PSD2: variants seen among roughly 807,000 people sequenced by gnomAD.
PSD2 encodes pleckstrin and Sec7 domain containing 2.
In PSD2, 38 loss-of-function variants were observed where a neutral mutation model predicts 69.8. The observed-to-expected ratio is 0.54, with a 90% CI of 0.42 to 0.71. PSD2 has a LOEUF of 0.71. Ranked by LOEUF, PSD2 falls within the 30% of genes least tolerant of loss-of-function variation. PSD2 has a pLI of 0.00. For missense variants in PSD2, 943 were observed against 1,014.5 expected (o/e 0.93, Z 0.96); for synonymous variants, 412 against 423.0 (o/e 0.97, Z 0.32).
intron 1 of PSD2, among the ~76,000 whole-genome samples, chr5:139,803,617 T>C (rs947520301): frequency 1.3e-5 from 2 of 152,230 alleles, no homozygotes; most frequent in African/African-American, 4.8e-5. Flanking sequence ...CAGGTCTTTC[T>C]GAGCACACAG....
chr5:139,768,858 C>T, the PSD2 span, among the ~76,000 whole-genome samples: 1 of 152,190 alleles, frequency 6.6e-6, no homozygotes, highest in Admixed American at 6.5e-5. Flanking sequence ...CCACCCTGGA[C>T]TAACTGTCTG....
At position 139,822,000 on chromosome 5, in the gene PSD2, C is replaced by T. The variant is rs1311237986; in HGVS notation, c.1205C>T (p.Ser402Leu). 8 of 1,600,006 alleles carry T rather than the reference C, an allele frequency of 5.0e-6. No individual in the cohort carries two copies. The highest frequency in any genetic ancestry group is 1.3e-5 in the African/African-American group (1 of 74,624). Residue 402 changes from serine (S) to leucine (L), a missense_variant, in exon 6 of 15, where the codon TCG becomes TTG. Physicochemically the swap from Ser to Leu is moderately radical, Grantham distance 145. This residue lies in a region of PSD2 where 312 missense variants were observed against 400.7 expected (regional missense o/e 0.78). Coordinates refer to ENST00000274710, the MANE Select transcript of PSD2 (RefSeq NM_032289.4). ...CAGTGCAACCCTGATGACAGCACTT[C>T]GGAAGGTATGGCCCCTTGCCCACTC... ...YCQCNPDDST[S>L]EDGIHTLTCA... is the part of the protein sequence containing the mutation.
At chr5:139,746,284 C>G in the PSD2 span, 1 of 152,256 alleles carries the variant, frequency 6.6e-6, no homozygotes, top group African/African-American at 2.4e-5. This position sits in a 1 kb window ranked among gnomAD's most constrained non-coding sequence, Gnocchi z 4.5. Context: ...TAAAGAGGCA[C>G]CGTGAGAGCC....
intron 7 of PSD2, among the ~76,000 whole-genome samples, chr5:139,829,490 C>G (rs1033370382): frequency 4.6e-5 from 7 of 152,154 alleles, no homozygotes; most frequent in African/African-American, 1.7e-4. Flanking sequence ...GCAGTCATAC[C>G]CCATTTCCTC....
the PSD2 span, among the ~76,000 whole-genome samples, chr5:139,784,249 C>G: frequency 8.1e-3 from 1,228 of 152,038 alleles, 10 homozygotes; most frequent in Admixed American, 0.019. Flanking sequence ...TCCCCCAGCT[C>G]TTAATGTGGG....
chr5:139,814,915 C>T lies in PSD2; in HGVS notation c.1016+551C>T, dbSNP rs1416821012. On this transcript the variant is annotated intron_variant, in intron 4 of 14. Transcript: ENST00000274710. The surrounding 1 kb of genome is among the most constrained non-coding windows in gnomAD (Gnocchi z 4.4). ...CAGGGGACAGGCGGGATTGCAGGAC[C>T]GAGGAAGTCTGCCGGCACATTCTGC... is the stretch of plus-strand genomic sequence containing the variant. Among the ~76,000 whole-genome samples the T allele has an allele frequency of 2.6e-5, 4 of 152,288 alleles. No individual in the cohort carries two copies. Among genetic ancestry groups the T allele is most frequent in the Non-Finnish European group, 4.4e-5 (3 of 68,018 alleles).
chr5:139,787,818 C>T, the PSD2 span, among the ~76,000 whole-genome samples: 1 of 152,250 alleles, frequency 6.6e-6, no homozygotes, highest in Non-Finnish European at 1.5e-5. Flanking sequence ...TCTGGGTCAC[C>T]ATGGGATAGT....
At position 139,842,359 on chromosome 5, in the gene PSD2, C is replaced by T. The variant is rs142731888; in HGVS notation, c.2201C>T (p.Ala734Val). The change falls in exon 15 of 15, where the codon GCC (alanine) becomes GTC (valine). Residue 734 changes from alanine (A) to valine (V), a missense_variant. By Grantham distance (64) the Ala-to-Val change is moderately conservative. This residue lies in a region of PSD2 where 165 missense variants were observed against 168.8 expected (regional missense o/e 0.98). Transcript: ENST00000274710. ...CTGGAGCGGATTGAGGCCCGGCTGG[C>T]CACTCTGGAAGGGGATGACCCTTCT... is the stretch of plus-strand genomic sequence containing the variant. ...DDLERIEARL[A>V]TLEGDDPSLR... 33 of 1,614,092 alleles carry T rather than the reference C, an allele frequency of 2.0e-5. No homozygotes were observed. The African/African-American group carries it at 2.9e-4, about 14-fold the overall frequency.
the PSD2 span, among the ~76,000 whole-genome samples, chr5:139,745,628 C>G: frequency 6.6e-6 from 1 of 152,252 alleles, no homozygotes; most frequent in African/African-American, 2.4e-5. Flanking sequence ...AAGAGTGACT[C>G]AGTGTCTGCT....
chr5:139,815,632 C>T (rs1462829272), intron 4 of PSD2, among the ~76,000 whole-genome samples: 1 of 152,136 alleles, frequency 6.6e-6, no homozygotes, highest in Non-Finnish European at 1.5e-5. Context: ...CAGGCCTCAC[C>T]TTAGCCCCTT....
chr5:139,756,108 G>A, the PSD2 span, among the ~76,000 whole-genome samples: 2 of 152,182 alleles, frequency 1.3e-5, no homozygotes, highest in African/African-American at 4.8e-5. Flanking sequence ...GGTAATTTCC[G>A]AGTCGGCGGC....
the PSD2 span, among the ~76,000 whole-genome samples, chr5:139,773,958 A>G: frequency 6.6e-6 from 1 of 151,062 alleles, no homozygotes; most frequent in Non-Finnish European, 1.5e-5. Context: ...CAAGGGTTTC[A>G]ATGTCCCTTG....
the PSD2 span, among the ~76,000 whole-genome samples, chr5:139,758,625 C>T: frequency 3.9e-5 from 6 of 152,136 alleles, no homozygotes; most frequent in South Asian, 4.2e-4. Flanking sequence ...TGGAAGGGGA[C>T]GCACTTATGC....
At chr5:139,833,893 C>T in intron 8 of PSD2, 102 bp downstream of exon 8, 2 of 885,844 alleles carry the variant, frequency 2.3e-6, no homozygotes, top group Non-Finnish European at 1.9e-6. Flanking sequence ...AGGCCGTTAA[C>T]ACAGGGTGCA....
chr5:139,748,535 C>T, the PSD2 span, among the ~76,000 whole-genome samples: 1 of 152,216 alleles, frequency 6.6e-6, no homozygotes, highest in East Asian at 1.9e-4. Flanking sequence ...AAGCCAGCAC[C>T]CAGCAACACA....
the PSD2 span, among the ~76,000 whole-genome samples, chr5:139,766,947 TTC>T: frequency 1.6e-5 from 2 of 125,724 alleles, no homozygotes; most frequent in Non-Finnish European, 3.4e-5. Flanking sequence ...CTTTCTTTCT[TTC>T]TTTCTTTCTT....
intron 5 of PSD2, among the ~76,000 whole-genome samples, chr5:139,820,835 G>A (rs934303807): frequency 3.9e-5 from 6 of 152,116 alleles, no homozygotes; most frequent in Non-Finnish European, 8.8e-5. Flanking sequence ...TAGCAGGCGG[G>A]TATGAGGTTG....
At chr5:139,764,417 T>G in the PSD2 span, among the ~76,000 whole-genome samples, 1 of 151,494 alleles carries the variant, frequency 6.6e-6, no homozygotes, top group Non-Finnish European at 1.5e-5. Context: ...GGAGTGTGAG[T>G]GAGGGGCGCC....
At chr5:139,785,488 T>A in the PSD2 span, among the ~76,000 whole-genome samples, 2 of 152,220 alleles carry the variant, frequency 1.3e-5, no homozygotes, top group African/African-American at 2.4e-5. Context: ...CATCCCAAAG[T>A]GCTGGGATTA....
Sources: gnomAD v4.1 joint callset for allele counts (sites outside exome capture counted in the v4.1 genomes callset) on GRCh38, gnomAD v4.1.1 for gene constraint, gnomAD v4.1.1 regional missense constraint, Gnocchi (gnomAD v3.1) non-coding constraint, MANE v1.5 for transcripts, NCBI Gene and HGNC (gene_info 2026-07-23, HGNC 2026-07-21) for gene names.